SPTB: variants seen among roughly 807,000 people sequenced by gnomAD.
The protein encoded by SPTB is spectrin beta chain, erythrocytic.
A neutral mutation model predicts 256.2 loss-of-function variants in SPTB; 45 were observed. The observed-to-expected ratio is 0.18, with a 90% CI of 0.14 to 0.23. The LOEUF (loss-of-function observed/expected upper bound fraction) is 0.23, where lower values mean the gene tolerates loss of function less well. Among genes scored for constraint, SPTB ranks in the 10% least tolerant of loss-of-function variants. The probability of loss-of-function intolerance (pLI) is 1.00; values close to 1 mark genes in which losing one functional copy is unlikely to be tolerated. For missense variants in SPTB, 2,715 were observed against 3,040.4 expected (o/e 0.89, Z 2.52); for synonymous variants, 1,231 against 1,243.1 (o/e 0.99, Z 0.21).
At chr14:64,801,690 T>A in intron 6 of SPTB, 64 bp downstream of exon 6, 1 of 1,491,604 alleles carries the variant, frequency 6.7e-7, no homozygotes, top group African/African-American at 1.4e-5. Flanking sequence ...TTAAGTGCAA[T>A]GTGTCCAAAT....
At position 64,824,205 on chromosome 14, in the gene SPTB, C is replaced by G. The variant is rs1278190887; in HGVS notation, c.-51-1060G>C. Reference sequence around the variant, plus strand: ...GGCTTAGGTGGGGACTCGGCGGGGACTGGTATCAGGGAGGGGAAGTTGAAG... The same window carrying G: ...GGCTTAGGTGGGGACTCGGCGGGGAGTGGTATCAGGGAGGGGAAGTTGAAG... On this transcript the variant is annotated intron_variant, in intron 1 of 35. Transcript: ENST00000644917. The surrounding 1 kb of genome is among the most constrained non-coding windows in gnomAD (Gnocchi z 5.7). 6.6e-6 allele frequency among the ~76,000 whole-genome samples: 1 copy of G among 151,892 alleles called. No individual in the cohort carries two copies. The highest frequency in any genetic ancestry group is 1.5e-5 in the Non-Finnish European group (1 of 67,990).
At chr14:64,820,984 T>A (rs1290836632) in intron 2 of SPTB, among the ~76,000 whole-genome samples, 1 of 152,072 alleles carries the variant, frequency 6.6e-6, no homozygotes, top group African/African-American at 2.4e-5. Flanking sequence ...GGCTTTGTGC[T>A]CGGCTCATTA....
At position 64,778,600 on chromosome 14, in the gene SPTB, C is replaced by T. The variant is rs1255261508; in HGVS notation, c.4563+557G>A. ...ACAGGAGTTCCCAATCAGGGCTAAG[C>T]GAGTGCCAAAAAGCAGAGGGATGTT... On this transcript the variant is annotated intron_variant, in intron 22 of 35. Coordinates refer to ENST00000644917, the MANE Select transcript of SPTB (RefSeq NM_001355436.2). This position sits in a 1 kb window ranked among gnomAD's most constrained non-coding sequence, Gnocchi z 5.2. Among the ~76,000 whole-genome samples, 6 of 152,172 alleles carry T rather than the reference C, an allele frequency of 3.9e-5. No individual in the cohort carries two copies. Among genetic ancestry groups the T allele is most frequent in the Non-Finnish European group, 8.8e-5 (6 of 68,026 alleles).
chr14:64,848,964 C>G (rs962994476), intron 1 of SPTB, among the ~76,000 whole-genome samples: 1 of 152,186 alleles, frequency 6.6e-6, no homozygotes, highest in African/African-American at 2.4e-5. Context: ...AGCTTTGAGT[C>G]TAAGTTCAGA....
chr14:64,820,957 C>T (rs781606261), intron 2 of SPTB, among the ~76,000 whole-genome samples: 5 of 152,124 alleles, frequency 3.3e-5, no homozygotes, highest in Non-Finnish European at 7.3e-5. Context: ...GGATTATAGG[C>T]ATGAGCTACC....
In SPTB at chr14:64,866,793, G is replaced by C. The variant is rs1882207406; in HGVS notation, c.-52+12999C>G. Among the ~76,000 whole-genome samples the C allele has an allele frequency of 6.6e-6, 1 of 152,142 alleles. No homozygotes were observed. The highest frequency in any genetic ancestry group is 6.5e-5 in the Admixed American group (1 of 15,268). Reference sequence around the variant, plus strand: ...TATATTACAAGGTAGTTCCTACTTTGACATGCCTTAAGGACAAACAATAAA... The same window carrying C: ...TATATTACAAGGTAGTTCCTACTTTCACATGCCTTAAGGACAAACAATAAA... On this transcript the variant is annotated intron_variant, in intron 1 of 35. Transcript: ENST00000644917. This position sits in a 1 kb window ranked among gnomAD's most constrained non-coding sequence, Gnocchi z 4.6.
rs190139151 is a variant in SPTB at position 64,831,748 on chromosome 14, C to T, written c.-51-8603G>A. 1.1e-3 allele frequency among the ~76,000 whole-genome samples: 172 copies of T among 152,284 alleles called. 1 individual carries two copies. The highest frequency in any genetic ancestry group is 3.9e-3 in the African/African-American group (164 of 41,546). ...GAGGTGGAAATAACCTGTGCGTCCA[C>T]CACTGGGGCAGGGACAGGTAAAATG... On this transcript the variant is annotated intron_variant, in intron 1 of 35. Transcript: ENST00000644917.
At position 64,820,313 on chromosome 14, in the gene SPTB, T is replaced by G. The variant is rs373587086; in HGVS notation, c.148+2634A>C. Among the ~76,000 whole-genome samples the G allele has an allele frequency of 1.8e-4, 28 of 152,306 alleles. 1 individual carries two copies. In the East Asian group the frequency reaches 3.5e-3, roughly 19 times the overall value. ...GACGTTGAGACTAGGAAGGCTGACA[T>G]GCTCCCTTTCTCCATTCTGCCTACC... is the stretch of plus-strand genomic sequence containing the variant. On this transcript the variant is annotated intron_variant, in intron 2 of 35. Coordinates refer to ENST00000644917, the MANE Select transcript of SPTB (RefSeq NM_001355436.2).
chr14:64,780,429 T>C (rs1361161003), intron 20 of SPTB, among the ~76,000 whole-genome samples: 1 of 152,228 alleles, frequency 6.6e-6, no homozygotes, highest in Non-Finnish European at 1.5e-5. Context: ...ATTATTATTT[T>C]TGAGATGGAG....
chr14:64,795,314 C>G lies in SPTB; in HGVS notation c.1644+23G>C. 5.0e-6 allele frequency: 8 copies of G among 1,601,044 alleles called. No homozygotes were observed. Among genetic ancestry groups the G allele is most frequent in the Non-Finnish European group, 6.8e-6 (8 of 1,179,620 alleles). On this transcript the variant is annotated intron_variant, in intron 12 of 35. Transcript: ENST00000644917. This position sits in a 1 kb window ranked among gnomAD's most constrained non-coding sequence, Gnocchi z 6.5. ...CCAAGGTGAGCACTGCAGGGCATGG[C>G]GGGGGCGGCCCCCAGGGCCCACCTT...
chr14:64,869,314 A>G (rs1021282532), intron 1 of SPTB, among the ~76,000 whole-genome samples: 11 of 152,266 alleles, frequency 7.2e-5, no homozygotes, highest in African/African-American at 2.7e-4. Context: ...AATGCCTTGT[A>G]TCCAAGTTAA....
rs4902313 is a variant in SPTB at position 64,775,446 on chromosome 14, T to C, written c.4564-43A>G. The stretch of plus-strand genomic sequence containing the variant: ...GGCTCGGGGCAGGGCCTTCCCACCA[T>C]GCGGGGGAGGCTGCTTCAGCAGTGG... On this transcript the variant is annotated intron_variant, in intron 22 of 35. Coordinates refer to ENST00000644917, the MANE Select transcript of SPTB (RefSeq NM_001355436.2). This position sits in a 1 kb window ranked among gnomAD's most constrained non-coding sequence, Gnocchi z 5.0. 0.073 allele frequency: 116,306 copies of C among 1,590,628 alleles called. 4,690 individuals are homozygous for C. Among genetic ancestry groups the C allele is most frequent in the Non-Finnish European group, 0.084 (97,835 of 1,166,252 alleles).
At chr14:64,861,302 T>C (rs1731398822) in intron 1 of SPTB, among the ~76,000 whole-genome samples, 1 of 151,876 alleles carries the variant, frequency 6.6e-6, no homozygotes, top group Non-Finnish European at 1.5e-5. Context: ...GTTCTGTGCA[T>C]GTATCCCATT....
intron 2 of SPTB, among the ~76,000 whole-genome samples, chr14:64,812,845 C>T (rs1028327273): frequency 6.6e-6 from 1 of 152,164 alleles, no homozygotes; most frequent in African/African-American, 2.4e-5. Flanking sequence ...TTATTGCTTC[C>T]ATGGCTTTCT....
At position 64,816,570 on chromosome 14, in the gene SPTB, G is replaced by A. The variant is rs2083194464; in HGVS notation, c.148+6377C>T. ...ATTTGTCATAATTTGCTATGCACGTGTGTCTATGCACATAGACACGTGTGG... is the reference window on the plus strand; with the variant it reads ...ATTTGTCATAATTTGCTATGCACGTATGTCTATGCACATAGACACGTGTGG... On this transcript the variant is annotated intron_variant, in intron 2 of 35. Coordinates refer to ENST00000644917, the MANE Select transcript of SPTB (RefSeq NM_001355436.2). The surrounding 1 kb of genome is among the most constrained non-coding windows in gnomAD (Gnocchi z 4.2). 6.6e-6 allele frequency among the ~76,000 whole-genome samples: 1 copy of A among 152,148 alleles called. No homozygotes were observed. The highest frequency in any genetic ancestry group is 1.5e-5 in the Non-Finnish European group (1 of 68,030).
At chr14:64,798,503 T>C (rs549576105) in intron 9 of SPTB, among the ~76,000 whole-genome samples, 4 of 152,300 alleles carry the variant, frequency 2.6e-5, no homozygotes, top group South Asian at 2.1e-4. Flanking sequence ...CATTTCTGCA[T>C]GTACCTAAGT....
At chr14:64,828,522 A>C (rs995478439) in intron 1 of SPTB, among the ~76,000 whole-genome samples, 1 of 152,220 alleles carries the variant, frequency 6.6e-6, no homozygotes, top group African/African-American at 2.4e-5. Flanking sequence ...GGTTGGTACA[A>C]AAGTAATTGT....
intron 20 of SPTB, among the ~76,000 whole-genome samples, chr14:64,781,219 C>T (rs986098987): frequency 3.9e-5 from 6 of 152,130 alleles, no homozygotes; most frequent in Non-Finnish European, 4.4e-5. Flanking sequence ...CAAAAATTGG[C>T]AAATGAGATC....
At chr14:64,756,277 A>G (rs1019512193) in intron 32 of SPTB, 2 of 152,384 alleles carry the variant, frequency 1.3e-5, no homozygotes, top group Non-Finnish European at 2.9e-5. Context: ...GTCTACTTCA[A>G]TAAACTCCCA....
Sources: allele counts gnomAD v4.1 joint callset (sites outside exome capture counted in the v4.1 genomes callset), GRCh38; gene constraint gnomAD v4.1.1; non-coding constraint Gnocchi (gnomAD v3.1); transcripts MANE v1.5; gene names NCBI Gene and HGNC (gene_info 2026-07-23, HGNC 2026-07-21).